WDPCP: variants seen among roughly 807,000 people sequenced by gnomAD.
The protein encoded by WDPCP is WD repeat containing planar cell polarity effector, also known as WD repeat-containing and planar cell polarity effector protein fritz homolog.
WDPCP carries 71 observed loss-of-function variants against 93.1 expected under a neutral mutation model. That is an observed-to-expected ratio of 0.76 (90% CI 0.63 to 0.93). The LOEUF is 0.93. Among genes scored for constraint, WDPCP ranks in the 40% least tolerant of loss-of-function variants. The pLI is 0.00. For missense variants in WDPCP, 844 were observed against 887.4 expected (o/e 0.95, Z 0.62); for synonymous variants, 315 against 315.0 (o/e 1.00, Z 0.00).
At chr2:63,328,393 A>G (rs997129897) in intron 12 of WDPCP, among the ~76,000 whole-genome samples, 1 of 152,122 alleles carries the variant, frequency 6.6e-6, no homozygotes, top group African/African-American at 2.4e-5. Context: ...TGCCTTTATG[A>G]GCTGTTAACA....
At chr2:63,751,561 C>CTT in intron 2 of WDPCP, 1 of 394,002 alleles carries the variant, frequency 2.5e-6, no homozygotes, top group African/African-American at 2.1e-5. Context: ...TAAAACATGT[C>CTT]TTTTTTTTTA....
chr2:63,277,303 C>A (rs2104906266), intron 13 of WDPCP, among the ~76,000 whole-genome samples: 1 of 152,212 alleles, frequency 6.6e-6, no homozygotes, highest in South Asian at 2.1e-4. Flanking sequence ...AGAGGACCTA[C>A]ATAACAATAA....
At chr2:63,227,852 A>C (rs1031697727) in intron 14 of WDPCP, among the ~76,000 whole-genome samples, 1 of 152,120 alleles carries the variant, frequency 6.6e-6, no homozygotes, top group Non-Finnish European at 1.5e-5. Context: ...ATTTATTTCA[A>C]GTTCAAAAGG....
At chr2:63,737,265 C>A (rs1373877196) in intron 2 of WDPCP, among the ~76,000 whole-genome samples, 1 of 152,170 alleles carries the variant, frequency 6.6e-6, no homozygotes, top group Non-Finnish European at 1.5e-5. Context: ...TCAAGGGCAT[C>A]AAAGATATTG....
At chr2:63,810,492 A>T (rs1019284446) in intron 2 of WDPCP, among the ~76,000 whole-genome samples, 2 of 152,244 alleles carry the variant, frequency 1.3e-5, no homozygotes, top group African/African-American at 4.8e-5. Context: ...GTCTAGAGGA[A>T]GGAGTGACAG....
chr2:63,835,389 C>CAAAAAAAA, the WDPCP span, among the ~76,000 whole-genome samples: 2 of 42,340 alleles, frequency 4.7e-5, no homozygotes, highest in Non-Finnish European at 9.8e-5. Context: ...GACTCCATCT[C>CAAAAAAAA]AAAAAAAAAA....
Position 63,686,974 on chromosome 2 carries a change from A to G in WDPCP, n.309-36136T>C, listed in dbSNP as rs551678778. On this transcript the variant is annotated intron_variant and non_coding_transcript_variant, in intron 2 of 4. Transcript: ENST00000467687. ...TCCAAATTAAAATGGATTAAAGACAATTCAGGAGAGTCCAATCTTTTGGCT... is the reference window on the plus strand; with the variant it reads ...TCCAAATTAAAATGGATTAAAGACAGTTCAGGAGAGTCCAATCTTTTGGCT... 2.2e-4 allele frequency among the ~76,000 whole-genome samples: 33 copies of G among 152,356 alleles called. 1 individual carries two copies. Among genetic ancestry groups the G allele is most frequent in the Admixed American group, 1.7e-3 (26 of 15,308 alleles).
intron 14 of WDPCP, among the ~76,000 whole-genome samples, chr2:63,252,008 C>T (rs1207865018): frequency 6.6e-6 from 1 of 152,092 alleles, no homozygotes; most frequent in East Asian, 1.9e-4. Flanking sequence ...GGCCAATATG[C>T]CTGATGAACA....
At chr2:63,525,395 A>C (rs1703254216) in intron 1 of WDPCP, among the ~76,000 whole-genome samples, 1 of 152,198 alleles carries the variant, frequency 6.6e-6, no homozygotes, top group Non-Finnish European at 1.5e-5. Context: ...CTGAACCTAA[A>C]ATAAAATTTA....
intron 17 of WDPCP, among the ~76,000 whole-genome samples, chr2:63,144,185 C>G (rs1330237585): frequency 4.6e-5 from 7 of 151,996 alleles, no homozygotes; most frequent in Non-Finnish European, 1.0e-4. Flanking sequence ...GTTCAAAGAC[C>G]TTGTTTTCGA....
chr2:63,545,857 TA>T (rs76994891), intron 1 of WDPCP, among the ~76,000 whole-genome samples: 766 of 131,996 alleles, frequency 5.8e-3, no homozygotes, highest in Middle Eastern at 0.012. Flanking sequence ...CGCTCAGATT[TA>T]AAAAAAAAAA....
intron 2 of WDPCP, among the ~76,000 whole-genome samples, chr2:63,749,692 C>A (rs982938720): frequency 6.6e-6 from 1 of 152,048 alleles, no homozygotes; most frequent in Non-Finnish European, 1.5e-5. Flanking sequence ...TTTTCACTTA[C>A]AATATTTTCA....
At chr2:63,822,884 G>GTA (rs1442307589) in intron 1 of WDPCP, among the ~76,000 whole-genome samples, 5 of 150,002 alleles carry the variant, frequency 3.3e-5, no homozygotes, top group Middle Eastern at 3.2e-3. Flanking sequence ...TATATATTTG[G>GTA]TATATATATA....
intron 1 of WDPCP, among the ~76,000 whole-genome samples, chr2:63,530,442 G>A (rs1252765462): frequency 6.6e-6 from 1 of 151,698 alleles, no homozygotes; most frequent in Non-Finnish European, 1.5e-5. Flanking sequence ...TTATTTCAGG[G>A]CAGGTATGCT....
chr2:63,649,857 T>A (rs1199090612), intron 3 of WDPCP, among the ~76,000 whole-genome samples: 2 of 152,080 alleles, frequency 1.3e-5, no homozygotes, highest in African/African-American at 2.4e-5. Flanking sequence ...AGATATAGGA[T>A]CCAAGGGAAA....
chr2:63,460,677 C>T (rs370993368), intron 6 of WDPCP, among the ~76,000 whole-genome samples: 13 of 150,676 alleles, frequency 8.6e-5, no homozygotes, highest in East Asian at 3.9e-4. Context: ...TTTTTTGAAA[C>T]GGAGTCTTGC....
At chr2:63,305,260 T>G (rs1283707246) in intron 13 of WDPCP, among the ~76,000 whole-genome samples, 2 of 152,108 alleles carry the variant, frequency 1.3e-5, no homozygotes, top group Non-Finnish European at 2.9e-5. Context: ...ACAGACTGCC[T>G]CCTCAAGTGT....
intron 14 of WDPCP, among the ~76,000 whole-genome samples, chr2:63,243,998 TA>T (rs1340826224): frequency 2.7e-5 from 4 of 150,886 alleles, no homozygotes; most frequent in Non-Finnish European, 4.4e-5. Flanking sequence ...CAAGTCTCAA[TA>T]AATGAAAAAA....
intron 14 of WDPCP, among the ~76,000 whole-genome samples, chr2:63,216,289 A>T (rs1280517805): frequency 6.6e-6 from 1 of 152,210 alleles, no homozygotes; most frequent in Non-Finnish European, 1.5e-5. Flanking sequence ...TCACAATAGC[A>T]AAGACTTGGA....
Sources: gnomAD v4.1 joint callset for allele counts (sites outside exome capture counted in the v4.1 genomes callset) on GRCh38, gnomAD v4.1.1 for gene constraint, MANE v1.5 for transcripts, NCBI Gene and HGNC (gene_info 2026-07-23, HGNC 2026-07-21) for gene names.